Variants in HTR2C observed in about 807,000 individuals in gnomAD.
The protein encoded by HTR2C is 5-hydroxytryptamine receptor 2C, also known as 5-hydroxytryptamine (serotonin) receptor 2C, G protein-coupled.
Under a neutral mutation model 21.0 loss-of-function variants are expected in HTR2C, and 5 were observed. That is an observed-to-expected ratio of 0.24 (90% CI 0.12 to 0.50). The LOEUF (loss-of-function observed/expected upper bound fraction) is 0.50, where lower values mean the gene tolerates loss of function less well. Among genes scored for constraint, HTR2C ranks in the 20% least tolerant of loss-of-function variants. The pLI is 0.98. For missense variants in HTR2C, 271 were observed against 371.2 expected (o/e 0.73, Z 2.22); for synonymous variants, 150 against 145.3 (o/e 1.03, Z -0.23).
At chrX:114,728,011 G>A (rs989575761) in intron 3 of HTR2C, among the ~76,000 whole-genome samples, 4 of 111,566 alleles carry the variant, frequency 3.6e-5, no homozygotes, top group Non-Finnish European at 5.7e-5. Flanking sequence ...CCAAAGTGTA[G>A]GACTGCCGTA....
intron 2 of HTR2C, among the ~76,000 whole-genome samples, chrX:114,722,653 G>T (rs1556420960): frequency 9.5e-6 from 1 of 105,186 alleles, no homozygotes. Context: ...CTGTGGGTTT[G>T]TCATAGATAG....
intron 4 of HTR2C, among the ~76,000 whole-genome samples, chrX:114,786,908 T>G (rs1369495296): frequency 9.0e-6 from 1 of 111,622 alleles, no homozygotes; most frequent in Non-Finnish European, 1.9e-5. Context: ...TGTTTTGTTT[T>G]GTTTTTTGCT....
intron 2 of HTR2C, among the ~76,000 whole-genome samples, chrX:114,659,757 G>GA (rs782407748): frequency 0.015 from 1,631 of 109,549 alleles, 13 homozygotes; most frequent in South Asian, 0.041. Flanking sequence ...TACTGGACTA[G>GA]AAAAAAAACT....
At chrX:114,772,570 G>A (rs948516922) in intron 4 of HTR2C, among the ~76,000 whole-genome samples, 1 of 110,419 alleles carries the variant, frequency 9.1e-6, no homozygotes, top group Admixed American at 9.8e-5. Flanking sequence ...TCAATTGTTG[G>A]GGAGACTTGT....
At chrX:114,674,397 G>A (rs147274069) in intron 2 of HTR2C, among the ~76,000 whole-genome samples, 4,586 of 111,795 alleles carry the variant, frequency 0.041, 96 homozygotes, top group Middle Eastern at 0.06. Context: ...TTATAGTAGT[G>A]ACTTTGAAAG....
At chrX:114,906,502 T>C in intron 5 of HTR2C, 87 bp from the exon 6 acceptor site, 1 of 682,940 alleles carries the variant, frequency 1.5e-6, no homozygotes, top group South Asian at 3.1e-5. Flanking sequence ...TTTCCTTCCG[T>C]AAAATGCAAA....
At chrX:114,766,566 A>G (rs1556435161) in intron 4 of HTR2C, among the ~76,000 whole-genome samples, 1 of 111,657 alleles carries the variant, frequency 9.0e-6, no homozygotes, top group East Asian at 2.8e-4. Context: ...TTTATCTTAA[A>G]GGGCAGTAAC....
At chrX:114,760,857 A>G (rs989944525) in intron 4 of HTR2C, among the ~76,000 whole-genome samples, 18 of 111,269 alleles carry the variant, frequency 1.6e-4, no homozygotes, top group Non-Finnish European at 3.0e-4. Context: ...ATTTCTTTTC[A>G]GACAACAACA....
chrX:114,784,592 A>AG (rs2070155043), intron 4 of HTR2C, among the ~76,000 whole-genome samples: 1 of 106,904 alleles, frequency 9.4e-6, no homozygotes, highest in Admixed American at 1.0e-4. Context: ...CCGTCTTCAC[A>AG]TGGCCTTCTT....
At chrX:114,775,969 C>T in intron 4 of HTR2C, 1 of 383,900 alleles carries the variant, frequency 2.6e-6, no homozygotes, top group Non-Finnish European at 4.7e-6. Context: ...AGAGAGTATG[C>T]TTAGTGTGTT....
chrX:114,833,486 G>A (rs1168702649), intron 4 of HTR2C, among the ~76,000 whole-genome samples: 44 of 111,351 alleles, frequency 4.0e-4, no homozygotes, highest in African/African-American at 7.8e-4. Flanking sequence ...GTTTATTTGC[G>A]TAGAGGTGTT....
chrX:114,763,677 G>A (rs895591398), intron 4 of HTR2C, among the ~76,000 whole-genome samples: 2 of 110,307 alleles, frequency 1.8e-5, no homozygotes, highest in Admixed American at 1.9e-4. Context: ...TAACTTGTCA[G>A]CCTTGTGTAC....
At chrX:114,756,482 T>C (rs1211721441) in intron 4 of HTR2C, among the ~76,000 whole-genome samples, 5 of 112,072 alleles carry the variant, frequency 4.5e-5, no homozygotes, top group African/African-American at 1.6e-4. Context: ...CTCCATACCA[T>C]GGAATACCAC....
At chrX:114,719,115 T>A (rs1556420263) in intron 2 of HTR2C, among the ~76,000 whole-genome samples, 1 of 107,134 alleles carries the variant, frequency 9.3e-6, no homozygotes, top group African/African-American at 3.4e-5. Flanking sequence ...GCAAATATTA[T>A]AAAATCTCAT....
chrX:114,688,662 A>T (rs1210506594), intron 2 of HTR2C, among the ~76,000 whole-genome samples: 1 of 111,647 alleles, frequency 9.0e-6, no homozygotes, highest in Non-Finnish European at 1.9e-5. Context: ...GTAGATGCGA[A>T]TTGAGTCTGT....
intron 2 of HTR2C, among the ~76,000 whole-genome samples, chrX:114,645,646 T>C (rs1331028535): frequency 9.0e-6 from 1 of 111,706 alleles, no homozygotes; most frequent in African/African-American, 3.2e-5. Flanking sequence ...AGCAACATAA[T>C]TGAAAGTAGG....
At position 114,675,013 on chromosome X, in the gene HTR2C, T is replaced by C. The variant is rs79649778; in HGVS notation, c.-79-51845T>C. Among the ~76,000 whole-genome samples the C allele has an allele frequency of 1.9e-4, 21 of 112,591 alleles. No homozygotes were observed. In the East Asian group the frequency reaches 5.9e-3, roughly 32 times the overall value. On this transcript the variant is annotated intron_variant, in intron 2 of 5. Transcript: ENST00000276198. ...TATAGTTAATATGATTAGAGCTAAA[T>C]GTCTCAGGCACTGGGCCAGTTGCTA...
intron 2 of HTR2C, among the ~76,000 whole-genome samples, chrX:114,668,731 A>G (rs1025525283): frequency 9.0e-6 from 1 of 111,065 alleles, no homozygotes; most frequent in Non-Finnish European, 1.9e-5. Flanking sequence ...ATGCTCTTAC[A>G]TAACCCTCCT....
chrX:114,806,594 T>TAC (rs782192356), intron 4 of HTR2C, among the ~76,000 whole-genome samples: 5 of 94,615 alleles, frequency 5.3e-5, no homozygotes, highest in South Asian at 4.9e-4. Context: ...ATATCATATA[T>TAC]ATCATATATA....
Sources: allele counts gnomAD v4.1 joint callset (sites outside exome capture counted in the v4.1 genomes callset), GRCh38; gene constraint gnomAD v4.1.1; transcripts MANE v1.5; gene names NCBI Gene and HGNC (gene_info 2026-07-23, HGNC 2026-07-21).